Variants in ERICH6 observed in about 807,000 individuals in gnomAD.
ERICH6 encodes the protein glutamate rich 6.
A neutral mutation model predicts 71.0 loss-of-function variants in ERICH6; 71 were observed. The observed-to-expected ratio is 1.00, with a 90% CI of 0.83 to 1.22. ERICH6 has a LOEUF of 1.22. Ranked by LOEUF, ERICH6 falls within the 50% of genes most tolerant of loss-of-function variation. The pLI, the probability that ERICH6 is intolerant of heterozygous loss-of-function variation, is 0.00. For missense variants in ERICH6, 808 were observed against 797.2 expected (o/e 1.01, Z -0.16); for synonymous variants, 262 against 278.4 (o/e 0.94, Z 0.59).
intron 2 of ERICH6, 63 bp downstream of exon 2, chr3:150,702,058 G>A (rs1194874270): frequency 1.7e-6 from 2 of 1,146,890 alleles, no homozygotes; most frequent in Admixed American, 4.8e-5. Context: ...TTCCTAACAT[G>A]TTTATCCAAA....
chr3:150,673,619 C>G (rs987522073), intron 11 of ERICH6, among the ~76,000 whole-genome samples: 1 of 151,654 alleles, frequency 6.6e-6, no homozygotes, highest in Non-Finnish European at 1.5e-5. Context: ...GACACGGTCC[C>G]ACTTCGTTGC....
intron 2 of ERICH6, among the ~76,000 whole-genome samples, chr3:150,700,239 TA>T (rs1219329135): frequency 4.7e-5 from 6 of 128,734 alleles, no homozygotes; most frequent in African/African-American, 1.6e-4. Flanking sequence ...CATGCCCGGC[TA>T]ATTTTTTTTT....
chr3:150,662,583 A>G (rs1727263547), intron 13 of ERICH6, among the ~76,000 whole-genome samples: 1 of 152,364 alleles, frequency 6.6e-6, no homozygotes, highest in Non-Finnish European at 1.5e-5. Flanking sequence ...ACTGCAAGTC[A>G]TATTTCCTGA....
At chr3:150,683,541 A>G (rs1712055099) in intron 6 of ERICH6, among the ~76,000 whole-genome samples, 1 of 152,148 alleles carries the variant, frequency 6.6e-6, no homozygotes, top group African/African-American at 2.4e-5. Context: ...AGGCAGGCCG[A>G]TCACCTGAGG....
rs190148106 is a variant in ERICH6, at chr3:150,678,557, A to G, written c.1112-3T>C. 5 of 1,587,298 alleles carry G rather than the reference A, an allele frequency of 3.2e-6. No homozygotes were observed. The highest frequency in any genetic ancestry group is 3.9e-5 in the Admixed American group (2 of 51,822). On this transcript the variant is annotated splice_region_variant and splice_polypyrimidine_tract_variant and intron_variant, in intron 9 of 13. Coordinates refer to ENST00000295910, the MANE Select transcript of ERICH6 (RefSeq NM_152394.5). Reference sequence around the variant, plus strand: ...AATTGTTTTTAAGCGCTTTGAATCTAGTGGGAAAAGAATCACATAGAAATA... The same window carrying G: ...AATTGTTTTTAAGCGCTTTGAATCTGGTGGGAAAAGAATCACATAGAAATA...
chr3:150,691,605 G>T (rs1232981892), intron 3 of ERICH6, among the ~76,000 whole-genome samples: 1 of 152,136 alleles, frequency 6.6e-6, no homozygotes, highest in Non-Finnish European at 1.5e-5. Context: ...GTCCAATCAT[G>T]TCATGAATGG....
intron 6 of ERICH6, 32 bp from the exon 7 acceptor site, chr3:150,682,348 T>C (rs1712000345): frequency 1.3e-6 from 2 of 1,565,924 alleles, no homozygotes; most frequent in Non-Finnish European, 1.7e-6. Flanking sequence ...ATTAAAGAAG[T>C]CCCCACAAAG....
intron 11 of ERICH6, among the ~76,000 whole-genome samples, chr3:150,671,391 A>G (rs1333098733): frequency 6.6e-6 from 1 of 152,208 alleles, no homozygotes; most frequent in Non-Finnish European, 1.5e-5. Flanking sequence ...AAGCTCAAAA[A>G]GTTTAAATAT....
At chr3:150,662,776 G>A (rs1479574437) in intron 13 of ERICH6, among the ~76,000 whole-genome samples, 1 of 152,138 alleles carries the variant, frequency 6.6e-6, no homozygotes, top group Non-Finnish European at 1.5e-5. Context: ...GAGAAGGTGG[G>A]GGTGGGTGTG....
At chr3:150,693,161 T>C (rs187269925) in intron 3 of ERICH6, among the ~76,000 whole-genome samples, 84 of 152,334 alleles carry the variant, frequency 5.5e-4, no homozygotes, top group African/African-American at 1.9e-3. Flanking sequence ...CTCTACCTGA[T>C]TTCTCCAGAA....
At chr3:150,689,837 A>G (rs1712352000) in intron 3 of ERICH6, among the ~76,000 whole-genome samples, 1 of 152,138 alleles carries the variant, frequency 6.6e-6, no homozygotes, top group Non-Finnish European at 1.5e-5. Context: ...TTTGCGGGAG[A>G]ACGCTGTTTT....
intron 13 of ERICH6, among the ~76,000 whole-genome samples, chr3:150,661,220 T>C (rs1727213193): frequency 6.6e-6 from 1 of 152,164 alleles, no homozygotes; most frequent in South Asian, 2.1e-4. Context: ...AAAACACATA[T>C]ACTCTGAGCT....
intron 3 of ERICH6, among the ~76,000 whole-genome samples, chr3:150,691,110 C>T (rs982170067): frequency 2.6e-5 from 4 of 152,280 alleles, no homozygotes; most frequent in Admixed American, 2.6e-4. Context: ...AAATCTTTTT[C>T]ACTGTCTCAG....
chr3:150,683,235 T>C (rs1712040780), intron 6 of ERICH6, among the ~76,000 whole-genome samples: 1 of 152,212 alleles, frequency 6.6e-6, no homozygotes, highest in African/African-American at 2.4e-5. Context: ...AACTACCCAA[T>C]AGTAAGTACT....
In ERICH6 at chr3:150,703,894, G is replaced by A; in HGVS notation, c.5C>T (p.Ala2Val). Residue 2 changes from alanine (A) to valine (V), a missense_variant, in exon 1 of 14, where the codon GCC becomes GTC. This residue lies in a region of ERICH6 where 53 missense variants were observed against 40.6 expected (regional missense o/e 1.30). Coordinates refer to ENST00000295910, the MANE Select transcript of ERICH6 (RefSeq NM_152394.5). ...GAAGCCGCTAGGCGAGCGCAAGTGGGCCATGGCTGGCGGGAGGCGGGATTA... is the reference window on the plus strand; with the variant it reads ...GAAGCCGCTAGGCGAGCGCAAGTGGACCATGGCTGGCGGGAGGCGGGATTA... M[A>V]HLRSPSGFGD... 2 of 1,613,776 alleles carry A rather than the reference G, an allele frequency of 1.2e-6. No individual in the cohort carries two copies. The highest frequency in any genetic ancestry group is 1.7e-6 in the Non-Finnish European group (2 of 1,179,828).
intron 13 of ERICH6, among the ~76,000 whole-genome samples, chr3:150,663,595 C>T (rs1460646093): frequency 6.6e-6 from 1 of 152,154 alleles, no homozygotes; most frequent in African/African-American, 2.4e-5. Flanking sequence ...TCACCTCAGC[C>T]TCCCAGATAG....
rs751092411 is a variant in ERICH6 at position 150,703,531 on chromosome 3, C to T, written c.368G>A (p.Ser123Asn). The change falls in exon 1 of 14, where the codon AGC (serine) becomes AAC (asparagine). Residue 123 changes from serine to asparagine, a missense_variant. By Grantham distance (46) the Ser-to-Asn change is conservative (BLOSUM62 1). This residue lies in a region of ERICH6 where 736 missense variants were observed against 712.2 expected (regional missense o/e 1.03). Coordinates refer to ENST00000295910, the MANE Select transcript of ERICH6 (RefSeq NM_152394.5). Reference sequence around the variant, plus strand: ...GGAGGTGCTGGAGGGTGGGCTTGCGCTCGGCGTTTCAGTGCTGGTCGCGCT... The same window carrying T: ...GGAGGTGCTGGAGGGTGGGCTTGCGTTCGGCGTTTCAGTGCTGGTCGCGCT... Reference protein sequence around the residue: ...SQSATSTETPSASPPSSTSSH... With the variant: ...SQSATSTETPNASPPSSTSSH... 6.8e-6 allele frequency: 11 copies of T among 1,610,140 alleles called. No homozygotes were observed. In the East Asian group the frequency reaches 2.5e-4, roughly 36 times the overall value.
At chr3:150,666,648 G>A (rs1379000185) in intron 13 of ERICH6, 139 bp downstream of exon 13, 12 of 743,082 alleles carry the variant, frequency 1.6e-5, no homozygotes, top group Non-Finnish European at 2.6e-5. Flanking sequence ...TTCATTACAT[G>A]TTTTTCCATT....
At chr3:150,666,693 A>C (rs781623762) in intron 13 of ERICH6, 94 bp downstream of exon 13, 5 of 1,040,198 alleles carry the variant, frequency 4.8e-6, no homozygotes, top group Non-Finnish European at 7.0e-6. Flanking sequence ...TAGATTATGC[A>C]CTAGTGTAAT....
Sources: gnomAD v4.1 joint callset for allele counts (sites outside exome capture counted in the v4.1 genomes callset) on GRCh38, gnomAD v4.1.1 for gene constraint, gnomAD v4.1.1 regional missense constraint, MANE v1.5 for transcripts, NCBI Gene and HGNC (gene_info 2026-07-23, HGNC 2026-07-21) for gene names.